The following SNX29 variants were observed in gnomAD, a reference collection of about 807,000 sequenced individuals.
SNX29 encodes the protein sorting nexin 29, also known as sorting nexin-29.
A neutral mutation model predicts 102.1 loss-of-function variants in SNX29; 78 were observed. The observed-to-expected ratio is 0.76, with a 90% CI of 0.64 to 0.92. The LOEUF (loss-of-function observed/expected upper bound fraction) is 0.92. Ranked by LOEUF, SNX29 falls within the 40% of genes least tolerant of loss-of-function variation. SNX29 has a pLI of 0.00. For synonymous variants in SNX29, 580 were observed against 414.5 expected (o/e 1.40, Z -4.85); for missense variants, 1,280 against 1,061.7 (o/e 1.21, Z -2.86).
chr16:12,556,984 A>C (rs1224917046), intron 20 of SNX29, among the ~76,000 whole-genome samples: 4 of 146,976 alleles, frequency 2.7e-5, no homozygotes, highest in African/African-American at 1.0e-4. Context: ...GAGTAGCTGG[A>C]CAACAGGTAC....
chr16:12,572,006 G>C lies in SNX29; in HGVS notation c.*3377G>C, dbSNP rs545213856. 3.8e-6 allele frequency: 4 copies of C among 1,062,552 alleles called. No homozygotes were observed. The highest frequency in any genetic ancestry group is 9.1e-5 in the South Asian group (2 of 21,946). 65.8% of individuals were successfully genotyped at this position (1,062,552 alleles called of 1,614,324 possible). A position where few individuals can be genotyped will look rare whatever the true frequency, so the allele number is the denominator to read the frequency against. ...CACATCCAGTCACCAGTTGCATCTA[G>C]GGAGCTGCTGGCTATAAAAGGGATC... On this transcript the variant is annotated 3_prime_UTR_variant, in exon 21 of 21. Coordinates refer to ENST00000566228, the MANE Select transcript of SNX29 (RefSeq NM_032167.5).
At chr16:12,193,044 A>G (rs957894823) in intron 13 of SNX29, among the ~76,000 whole-genome samples, 1 of 152,152 alleles carries the variant, frequency 6.6e-6, no homozygotes, top group African/African-American at 2.4e-5. Context: ...TGTATTGCCC[A>G]GGCTAGTCTC....
chr16:12,277,332 C>T (rs190582800), intron 14 of SNX29, among the ~76,000 whole-genome samples: 7 of 151,932 alleles, frequency 4.6e-5, no homozygotes, highest in African/African-American at 1.2e-4. Flanking sequence ...CCCAGGAGTT[C>T]GAGGCTGTAG....
Position 12,076,773 on chromosome 16 carries a change from A to G in SNX29, c.1320-2060A>G, listed in dbSNP as rs111440222. On this transcript the variant is annotated intron_variant, in intron 10 of 20. Transcript: ENST00000566228. ...ATTTGGGGTCCCAGGGTGCTATTACATCCTTATTTTCAAACCTAGCTCTAG... is the reference window on the plus strand; with the variant it reads ...ATTTGGGGTCCCAGGGTGCTATTACGTCCTTATTTTCAAACCTAGCTCTAG... 3.1e-4 allele frequency among the ~76,000 whole-genome samples: 47 copies of G among 152,196 alleles called. No homozygotes were observed. In the South Asian group the frequency reaches 3.5e-3, roughly 11 times the overall value.
At chr16:12,321,130 A>T (rs1023788615) in intron 15 of SNX29, among the ~76,000 whole-genome samples, 2 of 152,020 alleles carry the variant, frequency 1.3e-5, no homozygotes, top group Non-Finnish European at 2.9e-5. Flanking sequence ...TGACTTCCAG[A>T]GTGTCCCTTC....
At chr16:12,394,795 A>C (rs1375511240) in intron 16 of SNX29, among the ~76,000 whole-genome samples, 1 of 152,216 alleles carries the variant, frequency 6.6e-6, no homozygotes, top group East Asian at 1.9e-4. Context: ...TGATATCTTT[A>C]CTTCCTCTGT....
At chr16:11,985,237 A>G (rs550688229) in intron 1 of SNX29, among the ~76,000 whole-genome samples, 3 of 152,300 alleles carry the variant, frequency 2.0e-5, no homozygotes, top group East Asian at 3.9e-4. Context: ...GGGGTTCAAC[A>G]TTCAGCAAAC....
At chr16:12,481,606 C>A (rs2087939234) in intron 19 of SNX29, among the ~76,000 whole-genome samples, 1 of 151,816 alleles carries the variant, frequency 6.6e-6, no homozygotes, top group South Asian at 2.1e-4. Context: ...ACAATTTCAC[C>A]TCACAGCAAC....
intron 19 of SNX29, among the ~76,000 whole-genome samples, chr16:12,522,737 C>T (rs996559972): frequency 6.6e-6 from 1 of 152,180 alleles, no homozygotes; most frequent in African/African-American, 2.4e-5. Context: ...GTTTCCTGTA[C>T]AGCCTGCGAA....
At chr16:12,267,777 C>T (rs1896056773) in intron 14 of SNX29, among the ~76,000 whole-genome samples, 1 of 152,202 alleles carries the variant, frequency 6.6e-6, no homozygotes, top group Non-Finnish European at 1.5e-5. Context: ...TACCTCCCAG[C>T]CTCTGCACTG....
chr16:12,562,241 C>G (rs541139062), intron 20 of SNX29, among the ~76,000 whole-genome samples: 1 of 152,026 alleles, frequency 6.6e-6, no homozygotes, highest in Non-Finnish European at 1.5e-5. Flanking sequence ...AAGTGAAGGG[C>G]GAGGGCATTC....
chr16:12,565,245 A>G (rs751769335), intron 20 of SNX29, among the ~76,000 whole-genome samples: 2 of 152,286 alleles, frequency 1.3e-5, no homozygotes, highest in East Asian at 3.9e-4. Context: ...CTCAATCTAT[A>G]AAGATGGCAG....
At chr16:12,549,481 A>G (rs558545633) in intron 20 of SNX29, among the ~76,000 whole-genome samples, 1 of 132,820 alleles carries the variant, frequency 7.5e-6, no homozygotes, top group Admixed American at 7.3e-5. Flanking sequence ...GGCAACAGGA[A>G]GATCCTCACA....
chr16:12,473,557 G>A (rs1034728420), intron 18 of SNX29, among the ~76,000 whole-genome samples: 1 of 152,196 alleles, frequency 6.6e-6, no homozygotes, highest in Non-Finnish European at 1.5e-5. Context: ...TTGAACCAGA[G>A]CAACTCCATC....
At chr16:12,374,711 C>T (rs930666619) in intron 16 of SNX29, 2 of 152,282 alleles carry the variant, frequency 1.3e-5, no homozygotes, top group South Asian at 2.1e-4. Context: ...CTGCAGTAGA[C>T]TCCGCTCAGA....
intron 19 of SNX29, among the ~76,000 whole-genome samples, chr16:12,503,181 C>A (rs1160195219): frequency 6.6e-6 from 1 of 152,166 alleles, no homozygotes; most frequent in Non-Finnish European, 1.5e-5. Context: ...CCCACCACTG[C>A]TGCTCTGAGC....
chr16:12,410,056 G>C (rs759322374), intron 18 of SNX29, among the ~76,000 whole-genome samples: 1 of 151,706 alleles, frequency 6.6e-6, no homozygotes, highest in Non-Finnish European at 1.5e-5. Flanking sequence ...GTGCAGTAGC[G>C]CAATCTCGGT....
intron 20 of SNX29, chr16:12,545,605 C>G (rs772786230): frequency 1.3e-5 from 2 of 152,230 alleles, no homozygotes; most frequent in African/African-American, 2.4e-5. Flanking sequence ...TCCAGAGGTA[C>G]AGAAAGCAAG....
intron 13 of SNX29, among the ~76,000 whole-genome samples, chr16:12,169,317 A>G (rs1260634645): frequency 3.9e-5 from 6 of 152,172 alleles, no homozygotes; most frequent in Admixed American, 3.3e-4. Flanking sequence ...TGGTTTGTTC[A>G]TGGCCCCGTG....
Sources: gnomAD v4.1 joint callset for allele counts (sites outside exome capture counted in the v4.1 genomes callset) on GRCh38, gnomAD v4.1.1 for gene constraint, MANE v1.5 for transcripts, NCBI Gene and HGNC (gene_info 2026-07-23, HGNC 2026-07-21) for gene names.